Variants in TMEM132B observed in about 807,000 individuals in gnomAD.
TMEM132B encodes the protein transmembrane protein 132B.
TMEM132B carries 18 observed loss-of-function variants against 90.8 expected under a neutral mutation model. That is an observed-to-expected ratio of 0.20 (90% CI 0.14 to 0.29). The LOEUF is 0.29. Among genes scored for constraint, TMEM132B ranks in the 10% least tolerant of loss-of-function variants. The probability of loss-of-function intolerance (pLI) is 1.00; values close to 1 mark genes in which losing one functional copy is unlikely to be tolerated. For synonymous variants in TMEM132B, 504 were observed against 523.3 expected (o/e 0.96, Z 0.50); for missense variants, 1,096 against 1,326.8 (o/e 0.83, Z 2.70).
chr12:125,316,078 C>T (rs1368935491), intron 1 of TMEM132B, among the ~76,000 whole-genome samples: 3 of 152,180 alleles, frequency 2.0e-5, no homozygotes. Flanking sequence ...CCAACAAGCA[C>T]TCCCTTAGCT....
At chr12:125,379,117 TC>T (rs1465024887) in intron 2 of TMEM132B, among the ~76,000 whole-genome samples, 1 of 152,190 alleles carries the variant, frequency 6.6e-6, no homozygotes, top group African/African-American at 2.4e-5. Flanking sequence ...AATTGGAGCT[TC>T]CCTGCCTTTG....
intron 2 of TMEM132B, among the ~76,000 whole-genome samples, chr12:125,358,152 G>A (rs919141171): frequency 3.9e-5 from 6 of 151,960 alleles, no homozygotes; most frequent in African/African-American, 1.5e-4. Flanking sequence ...TCTATGGGGG[G>A]GAGACAGCAA....
At chr12:125,316,326 T>TG (rs369886899) in intron 1 of TMEM132B, among the ~76,000 whole-genome samples, 5 of 152,132 alleles carry the variant, frequency 3.3e-5, no homozygotes, top group South Asian at 2.1e-4. Context: ...AAGCTCCTGG[T>TG]GGGGGGCGGG....
chr12:125,352,374 T>C (rs1000401161), intron 2 of TMEM132B, among the ~76,000 whole-genome samples: 2 of 152,254 alleles, frequency 1.3e-5, no homozygotes, highest in Non-Finnish European at 2.9e-5. Flanking sequence ...TCGCTAAAAG[T>C]AGGGGACTTC....
At chr12:125,444,729 G>T (rs756755966) in intron 3 of TMEM132B, among the ~76,000 whole-genome samples, 1 of 152,154 alleles carries the variant, frequency 6.6e-6, no homozygotes, top group East Asian at 1.9e-4. Flanking sequence ...ACTAATCTAG[G>T]TGTTGCAATG....
At chr12:125,433,167 A>G (rs1880593115) in intron 3 of TMEM132B, among the ~76,000 whole-genome samples, 1 of 152,148 alleles carries the variant, frequency 6.6e-6, no homozygotes, top group East Asian at 1.9e-4. Context: ...GCTTATTTTT[A>G]AATGTTTTTA....
chr12:125,290,196 G>A (rs1483492694), intron 1 of TMEM132B, among the ~76,000 whole-genome samples: 2 of 152,092 alleles, frequency 1.3e-5, no homozygotes, highest in East Asian at 1.9e-4. Flanking sequence ...ATTACGCATC[G>A]GAATTACCCA....
intron 1 of TMEM132B, among the ~76,000 whole-genome samples, chr12:125,239,866 C>T (rs959160229): frequency 7.2e-5 from 11 of 152,152 alleles, no homozygotes; most frequent in African/African-American, 1.7e-4. Flanking sequence ...GGTGGGATGC[C>T]GCAGGCATTG....
At chr12:125,311,985 A>T (rs548164429) in intron 1 of TMEM132B, among the ~76,000 whole-genome samples, 22 of 152,308 alleles carry the variant, frequency 1.4e-4, no homozygotes, top group African/African-American at 5.3e-4. Context: ...ACAAACAATG[A>T]GCACGCTCTC....
At chr12:125,194,755 G>A (rs1872888416) in intron 1 of TMEM132B, among the ~76,000 whole-genome samples, 1 of 151,928 alleles carries the variant, frequency 6.6e-6, no homozygotes, top group East Asian at 1.9e-4. Flanking sequence ...CGGGTGGGAG[G>A]GGAACCTGTT....
At position 125,659,524 on chromosome 12, in the gene TMEM132B, T is replaced by C. The variant is rs1168480167; in HGVS notation, c.*4814T>C. On this transcript the variant is annotated 3_prime_UTR_variant, in exon 9 of 9. Coordinates refer to ENST00000682704, the MANE Select transcript of TMEM132B (RefSeq NM_001366854.1). ...AACCACAGGACAGGCGGGGATTCTT[T>C]TTGAGAGGCTGAAGTAGATGTTTCA... is the stretch of plus-strand genomic sequence containing the variant. 6.6e-6 allele frequency: 1 copy of C among 152,270 alleles called. No individual in the cohort carries two copies. The highest frequency in any genetic ancestry group is 1.5e-5 in the Non-Finnish European group (1 of 68,162). 9.4% of individuals were successfully genotyped at this position (152,270 alleles called of 1,614,324 possible). A position where few individuals can be genotyped will look rare whatever the true frequency, so the allele number is the denominator to read the frequency against.
At chr12:125,622,605 T>G in intron 5 of TMEM132B, 1 of 985,456 alleles carries the variant, frequency 1.0e-6, no homozygotes, top group Non-Finnish European at 1.2e-6. Flanking sequence ...GCTGGGTCTC[T>G]CTCTGGAAAT....
chr12:125,533,941 A>G (rs1348715451), intron 4 of TMEM132B, among the ~76,000 whole-genome samples: 1 of 152,338 alleles, frequency 6.6e-6, no homozygotes, highest in Non-Finnish European at 1.5e-5. Flanking sequence ...TCAGAATCTC[A>G]GCACCCCCGA....
intron 1 of TMEM132B, among the ~76,000 whole-genome samples, chr12:125,260,922 TTG>T (rs60739492): frequency 0.023 from 3,338 of 148,210 alleles, 106 homozygotes; most frequent in African/African-American, 0.063. Context: ...TCTCTACAGA[TTG>T]TGTGTGTGTG....
intron 4 of TMEM132B, among the ~76,000 whole-genome samples, chr12:125,570,268 A>G (rs895509486): frequency 2.0e-5 from 3 of 152,178 alleles, no homozygotes; most frequent in Non-Finnish European, 4.4e-5. Context: ...CTGTTGTTTC[A>G]GCAGTGGAGG....
chr12:125,299,461 G>T (rs1339002310), intron 1 of TMEM132B, among the ~76,000 whole-genome samples: 2 of 152,084 alleles, frequency 1.3e-5, no homozygotes, highest in Non-Finnish European at 2.9e-5. Context: ...CAATACCTTG[G>T]ATGGCTGCCT....
intron 1 of TMEM132B, among the ~76,000 whole-genome samples, chr12:125,191,328 A>G (rs1872783427): frequency 6.6e-6 from 1 of 152,018 alleles, no homozygotes; most frequent in African/African-American, 2.4e-5. Flanking sequence ...CATGAACTTG[A>G]TGGGATGCTC....
intron 5 of TMEM132B, among the ~76,000 whole-genome samples, chr12:125,641,080 A>G (rs1167834493): frequency 6.6e-6 from 1 of 152,120 alleles, no homozygotes; most frequent in Non-Finnish European, 1.5e-5. Flanking sequence ...GTCCTACTGG[A>G]TCCAGCGCCC....
At chr12:125,582,679 A>T (rs1245724590) in intron 4 of TMEM132B, among the ~76,000 whole-genome samples, 1 of 152,214 alleles carries the variant, frequency 6.6e-6, no homozygotes, top group African/African-American at 2.4e-5. Flanking sequence ...CATGGAGCAA[A>T]TACTGTAGAG....
Sources: allele counts gnomAD v4.1 joint callset (sites outside exome capture counted in the v4.1 genomes callset), GRCh38; gene constraint gnomAD v4.1.1; transcripts MANE v1.5; gene names NCBI Gene and HGNC (gene_info 2026-07-23, HGNC 2026-07-21).